The following ADGRF3 variants were observed in gnomAD, a reference collection of about 807,000 sequenced individuals.
ADGRF3 encodes the protein G protein-coupled receptor 113.
Under a neutral mutation model 93.2 loss-of-function variants are expected in ADGRF3, and 85 were observed. That is an observed-to-expected ratio of 0.91 (90% confidence interval 0.77 to 1.09). The LOEUF is 1.09. Ranked by LOEUF, ADGRF3 falls within the 50% of genes least tolerant of loss-of-function variation. ADGRF3 has a pLI of 0.00. For synonymous variants in ADGRF3, 534 were observed against 532.5 expected (o/e 1.00, Z -0.04); for missense variants, 1,125 against 1,246.2 (o/e 0.90, Z 1.46).
chr2:26,319,313 A>G lies in ADGRF3; in HGVS notation c.115-1751T>C, dbSNP rs557602958. 7.2e-5 allele frequency among the ~76,000 whole-genome samples: 11 copies of G among 152,316 alleles called. No homozygotes were observed. In the South Asian group the frequency reaches 1.2e-3, roughly 17 times the overall value. The stretch of plus-strand genomic sequence containing the variant: ...AAAGCTCCGAGAGCAGGAGAGGCTT[A>G]GGGGTTCGAAGTCACAACCAGCAAC... On this transcript the variant is annotated intron_variant, in intron 1 of 13. Coordinates refer to ENST00000651242, the MANE Select transcript of ADGRF3 (RefSeq NM_001321971.2).
At chr2:26,328,577 C>T (rs1249797694) in intron 1 of ADGRF3, among the ~76,000 whole-genome samples, 1 of 151,954 alleles carries the variant, frequency 6.6e-6, no homozygotes, top group Non-Finnish European at 1.5e-5. Context: ...CCTCAGCCTC[C>T]TGAGTAGCTG....
chr2:26,313,345 G>C, intron 8 of ADGRF3, 32 bp downstream of exon 8: 1 of 1,528,178 alleles, frequency 6.5e-7, no homozygotes. Flanking sequence ...GGCCGTGGAG[G>C]GGGCACGTGG....
rs1488227404 is a variant in ADGRF3 at position 26,315,089 on chromosome 2, G to T, written c.718+433C>A. The stretch of plus-strand genomic sequence containing the variant: ...TTTTACATGTTTGCAAATCTTGCCC[G>T]TGTCTGGGTTCTCCCATCTGCATTT... On this transcript the variant is annotated intron_variant, in intron 5 of 13. Coordinates refer to ENST00000651242, the MANE Select transcript of ADGRF3 (RefSeq NM_001321971.2). Among the ~76,000 whole-genome samples the T allele has an allele frequency of 2.0e-5, 3 of 152,288 alleles. No individual in the cohort carries two copies. In the East Asian group the frequency reaches 5.8e-4, roughly 29 times the overall value.
At chr2:26,331,707 T>A (rs972151265) in intron 1 of ADGRF3, among the ~76,000 whole-genome samples, 2 of 152,070 alleles carry the variant, frequency 1.3e-5, no homozygotes, top group African/African-American at 2.4e-5. Context: ...GCTGCCTGGG[T>A]GCAGAGTGAG....
chr2:26,313,185 C>A (rs1674345579), intron 8 of ADGRF3, 63 bp from the exon 9 acceptor site: 2 of 1,583,346 alleles, frequency 1.3e-6, no homozygotes, highest in South Asian at 2.3e-5. Context: ...AGAAGAGCAT[C>A]CCAGACCCAT....
rs1280373335 is a variant in ADGRF3 at position 26,346,209 on chromosome 2, T to A, written c.26A>T (p.His9Leu). 6.2e-7 allele frequency: 1 copy of A among 1,613,430 alleles called. No homozygotes were observed. The change falls in exon 1 of 14, where the codon CAC (histidine) becomes CTC (leucine). Residue 9 changes from histidine (H) to leucine (L), a missense_variant. Coordinates refer to ENST00000651242, the MANE Select transcript of ADGRF3 (RefSeq NM_001321971.2). MTTRKLSA[H>L]SAATPGYKAV... ...CTTGTAGCCGGGAGTCGCTGCCGAGTGGGCGCTCAGTTTTCGGGTCGTCAT... is the reference window on the plus strand; with the variant it reads ...CTTGTAGCCGGGAGTCGCTGCCGAGAGGGCGCTCAGTTTTCGGGTCGTCAT...
rs151188691 is a variant in ADGRF3 at position 26,310,848 on chromosome 2, G to T, written c.2676C>A (p.Pro892=). ...KLLRPSLSEG[P]PAEKRQALLG... Reference sequence around the variant, plus strand: ...GCAGAGCTTGGCGCTTCTCTGCTGGGGGTCCCTCTGACAGCGAAGGTCTCA... The same window carrying T: ...GCAGAGCTTGGCGCTTCTCTGCTGGTGGTCCCTCTGACAGCGAAGGTCTCA... Residue 892 remains proline, a synonymous_variant, in exon 10 of 14, where the codon CCC becomes CCA. Transcript: ENST00000651242. 1.2e-6 allele frequency: 2 copies of T among 1,612,998 alleles called. No homozygotes were observed. Among genetic ancestry groups the T allele is most frequent in the African/African-American group, 2.7e-5 (2 of 74,836 alleles).
At chr2:26,312,463 G>A (rs895207488) in intron 9 of ADGRF3, among the ~76,000 whole-genome samples, 4 of 152,204 alleles carry the variant, frequency 2.6e-5, no homozygotes, top group African/African-American at 4.8e-5. Flanking sequence ...TCCTGGAGGC[G>A]ACGGCCACAC....
At chr2:26,319,367 C>T (rs1674972192) in intron 1 of ADGRF3, among the ~76,000 whole-genome samples, 1 of 152,086 alleles carries the variant, frequency 6.6e-6, no homozygotes. Context: ...CAGTCATGTT[C>T]CCAAGGACCT....
intron 1 of ADGRF3, among the ~76,000 whole-genome samples, chr2:26,344,459 A>G (rs568173104): frequency 2.6e-5 from 4 of 152,238 alleles, no homozygotes; most frequent in East Asian, 1.9e-4. Context: ...TCTCATTTCT[A>G]ATGTTCTTCT....
In ADGRF3 at chr2:26,311,288, T is replaced by A; in HGVS notation, c.2236A>T (p.Asn746Tyr). 6.2e-7 allele frequency: 1 copy of A among 1,613,784 alleles called. No homozygotes were observed. The highest frequency in any genetic ancestry group is 8.5e-7 in the Non-Finnish European group (1 of 1,179,836). ...GCGGCCAGCAAGCAGAACACCATGTTGAGCAGGGCGGCGTGGCGGAAATAG... is the reference window on the plus strand; with the variant it reads ...GCGGCCAGCAAGCAGAACACCATGTAGAGCAGGGCGGCGTGGCGGAAATAG... Reference protein sequence around the residue: ...ISYFRHAALLNMVFCLLAADT... With the variant: ...ISYFRHAALLYMVFCLLAADT... The change falls in exon 10 of 14, where the codon AAC becomes TAC. Residue 746 changes from asparagine to tyrosine, a missense_variant. By Grantham distance (143) the Asn-to-Tyr change is moderately radical (BLOSUM62 -2). Coordinates refer to ENST00000651242, the MANE Select transcript of ADGRF3 (RefSeq NM_001321971.2).
In ADGRF3 at chr2:26,330,289, G is replaced by A. The variant is rs577686811; in HGVS notation, c.115-12727C>T. ...GTTTGTGGTTTAGAGTCAGATCCAC[G>A]CCTGTACAACTGGGAAGTGATCCCA... On this transcript the variant is annotated intron_variant, in intron 1 of 13. Transcript: ENST00000651242. Among the ~76,000 whole-genome samples, 6 of 152,302 alleles carry A rather than the reference G, an allele frequency of 3.9e-5. 1 individual carries two copies. The South Asian group carries it at 8.3e-4, about 21-fold the overall frequency.
chr2:26,344,676 C>T (rs1387120629), intron 1 of ADGRF3, among the ~76,000 whole-genome samples: 1 of 152,048 alleles, frequency 6.6e-6, no homozygotes, highest in Non-Finnish European at 1.5e-5. Context: ...TCAAAAAATG[C>T]AAAAAATTTA....
chr2:26,309,776 G>A (rs1180790320), intron 12 of ADGRF3, among the ~76,000 whole-genome samples, 195 bp from the exon 13 acceptor site: 1 of 152,198 alleles, frequency 6.6e-6, no homozygotes, highest in African/African-American at 2.4e-5. Context: ...CTAACTGGAG[G>A]CAGATTTTTA....
In ADGRF3 at chr2:26,310,697, G is replaced by A. The variant is rs1673999359; in HGVS notation, c.2827C>T (p.Leu943Phe). ...GCCACCCCCCTATCACCTACCTGGAGGGTGTTGAGAATGGTGAAGATGTAA... is the reference window on the plus strand; with the variant it reads ...GCCACCCCCCTATCACCTACCTGGAAGGTGTTGAGAATGGTGAAGATGTAA... The part of the protein sequence containing the change: ...PHYIFTILNT[L>F]QGVFILLFGC... The change falls in exon 10 of 14, where the codon CTC becomes TTC. Residue 943 changes from leucine (L) to phenylalanine (F), a missense_variant. Leu to Phe is a conservative substitution (Grantham distance 22). Transcript: ENST00000651242. 1 of 1,610,388 alleles carries A rather than the reference G, an allele frequency of 6.2e-7. No homozygotes were observed. Among genetic ancestry groups the A allele is most frequent in the Non-Finnish European group, 8.5e-7 (1 of 1,178,334 alleles).
intron 6 of ADGRF3, 70 bp from the exon 7 acceptor site, chr2:26,313,973 A>C: frequency 6.4e-7 from 1 of 1,567,394 alleles, no homozygotes; most frequent in Admixed American, 1.7e-5. Context: ...AGGCTCTGAC[A>C]TGCTGTTTCA....
intron 1 of ADGRF3, among the ~76,000 whole-genome samples, chr2:26,337,206 T>C (rs1445493307): frequency 6.6e-6 from 1 of 152,208 alleles, no homozygotes; most frequent in Admixed American, 6.5e-5. Context: ...CATTAAGTAG[T>C]GGAATCTATT....
intron 1 of ADGRF3, among the ~76,000 whole-genome samples, chr2:26,330,225 G>A (rs1402303587): frequency 6.6e-6 from 1 of 152,120 alleles, no homozygotes; most frequent in African/African-American, 2.4e-5. Flanking sequence ...CGGGACCTGC[G>A]TGATGGATGG....
At chr2:26,317,608 AC>A in intron 1 of ADGRF3, 46 bp from the exon 2 acceptor site, 1 of 1,524,632 alleles carries the variant, frequency 6.6e-7, no homozygotes, top group Non-Finnish European at 8.9e-7. Flanking sequence ...TTCCAAAGGC[AC>A]CCCAGGGGCC....
Sources: gnomAD v4.1 joint callset for allele counts (sites outside exome capture counted in the v4.1 genomes callset) on GRCh38, gnomAD v4.1.1 for gene constraint, MANE v1.5 for transcripts, NCBI Gene and HGNC (gene_info 2026-07-23, HGNC 2026-07-21) for gene names.